The following SPAG16 variants were observed in gnomAD, a reference collection of about 807,000 sequenced individuals.
SPAG16 encodes sperm-associated antigen 16 protein.
A neutral mutation model predicts 80.4 loss-of-function variants in SPAG16; 86 were observed. The observed-to-expected ratio is 1.07, with a 90% confidence interval of 0.90 to 1.28. The LOEUF is 1.28. Among genes scored for constraint, SPAG16 ranks in the 50% most tolerant of loss-of-function variants. SPAG16 has a pLI of 0.00. For synonymous variants in SPAG16, 294 were observed against 265.9 expected, an observed-to-expected ratio of 1.11 and a Z score of -1.03; for missense variants, 870 against 765.3, an observed-to-expected ratio of 1.14 and a Z score of -1.61.
rs140637000 is a variant in SPAG16, at chr2:213,678,557, G to A, written c.1071-183928G>A. On this transcript the variant is annotated intron_variant, in intron 10 of 15. Coordinates refer to ENST00000331683, the MANE Select transcript of SPAG16 (RefSeq NM_024532.5). ...AATCTTGCTGCTCTTAACCACTATC[G>A]GTACACCTTCAGAATGGCCATGTTT... Among the ~76,000 whole-genome samples, 41 of 152,182 alleles carry A rather than the reference G, an allele frequency of 2.7e-4. No homozygotes were observed. In the East Asian group the frequency reaches 3.1e-3, roughly 11 times the overall value.
At chr2:214,072,407 A>G (rs2050830178) in intron 13 of SPAG16, among the ~76,000 whole-genome samples, 1 of 152,132 alleles carries the variant, frequency 6.6e-6, no homozygotes, top group South Asian at 2.1e-4. Context: ...TGTTCTTATT[A>G]AACATATAAC....
chr2:213,420,996 G>T (rs1303249187), intron 9 of SPAG16, among the ~76,000 whole-genome samples: 2 of 152,202 alleles, frequency 1.3e-5, no homozygotes, highest in African/African-American at 4.8e-5. Flanking sequence ...AGGGCTGCAG[G>T]AGAGTCACAG....
At chr2:214,328,699 G>C (rs983259084) in intron 15 of SPAG16, among the ~76,000 whole-genome samples, 3 of 152,112 alleles carry the variant, frequency 2.0e-5, no homozygotes, top group Non-Finnish European at 4.4e-5. Context: ...AGAAAAAAGT[G>C]TCTATTAATC....
In SPAG16 at chr2:214,177,900, C is replaced by CATAT. The variant is rs373584812; in HGVS notation, c.1720+28646_1720+28649dup. Among the ~76,000 whole-genome samples the CATAT allele has an allele frequency of 2.8e-3, 176 of 63,962 alleles. 1 individual carries two copies. The highest frequency in any genetic ancestry group is 0.017 in the East Asian group (41 of 2,418). 42.0% of individuals were successfully genotyped at this position (63,962 alleles called of 152,430 possible). ...GTTAAAAAAGCAGAATATATATATACATATATATATATATACATATATATA... is the reference window on the plus strand; with the variant it reads ...GTTAAAAAAGCAGAATATATATATACATATATATATATATATATACATATATATA... On this transcript the variant is annotated intron_variant, in intron 15 of 15. Coordinates refer to ENST00000331683, the MANE Select transcript of SPAG16 (RefSeq NM_024532.5).
intron 15 of SPAG16, among the ~76,000 whole-genome samples, chr2:214,381,353 AATG>A (rs1182257120): frequency 1.3e-5 from 2 of 152,234 alleles, no homozygotes; most frequent in Non-Finnish European, 2.9e-5. Flanking sequence ...ATGAAAGAGC[AATG>A]ATACCTTTCC....
At chr2:213,939,016 T>C (rs1406278816) in intron 12 of SPAG16, among the ~76,000 whole-genome samples, 1 of 152,078 alleles carries the variant, frequency 6.6e-6, no homozygotes, top group Non-Finnish European at 1.5e-5. Flanking sequence ...AAAAAGACCA[T>C]ACCATCTTCA....
At chr2:213,975,041 C>T (rs2045294025) in intron 12 of SPAG16, among the ~76,000 whole-genome samples, 1 of 149,762 alleles carries the variant, frequency 6.7e-6, no homozygotes, top group African/African-American at 2.4e-5. Flanking sequence ...TTGCTAAGTC[C>T]TCAATAGATT....
intron 10 of SPAG16, among the ~76,000 whole-genome samples, chr2:213,512,951 T>C (rs1014876366): frequency 6.6e-6 from 1 of 152,076 alleles, no homozygotes; most frequent in Admixed American, 6.6e-5. Context: ...CCATACATAT[T>C]AATTTTGTCA....
In SPAG16 at chr2:214,227,941, T is replaced by C. The variant is rs111241966; in HGVS notation, c.1720+78675T>C. On this transcript the variant is annotated intron_variant, in intron 15 of 15. Transcript: ENST00000331683. ...GATGAGATTCTGTACTGTGACTATTTGTAAATATAAAAGCAGCTCCCTGAG... is the reference window on the plus strand; with the variant it reads ...GATGAGATTCTGTACTGTGACTATTCGTAAATATAAAAGCAGCTCCCTGAG... Among the ~76,000 whole-genome samples the C allele has an allele frequency of 2.9e-4, 44 of 152,030 alleles. 2 individuals are homozygous for C. Among genetic ancestry groups the C allele is most frequent in the African/African-American group, 9.4e-4 (39 of 41,530 alleles).
At chr2:213,331,104 A>T (rs144383120) in intron 5 of SPAG16, among the ~76,000 whole-genome samples, 2 of 152,090 alleles carry the variant, frequency 1.3e-5, no homozygotes, top group East Asian at 1.9e-4. Context: ...AGGGGTAGAG[A>T]GTTTTTCTTT....
chr2:213,474,877 C>T (rs1179366025), intron 9 of SPAG16, among the ~76,000 whole-genome samples: 1 of 152,102 alleles, frequency 6.6e-6, no homozygotes, highest in Non-Finnish European at 1.5e-5. Context: ...ATGTTAATCT[C>T]CTTTGGCAAT....
chr2:213,287,281 A>G lies in SPAG16; in HGVS notation c.136+2662A>G, dbSNP rs1011312519. 1.2e-4 allele frequency among the ~76,000 whole-genome samples: 18 copies of G among 152,236 alleles called. 2 individuals carry two copies. The highest frequency in any genetic ancestry group is 2.5e-4 in the Non-Finnish European group (17 of 68,040). ...AAGGTTGATTGTCTTTTGTGAATGA[A>G]TGAATCCCTTATTAGAAATCAACAC... On this transcript the variant is annotated intron_variant, in intron 1 of 15. Transcript: ENST00000331683.
At chr2:214,342,605 A>T (rs944367569) in intron 15 of SPAG16, among the ~76,000 whole-genome samples, 1 of 152,114 alleles carries the variant, frequency 6.6e-6, no homozygotes. Context: ...CATTATGGTC[A>T]GTTGTATAAT....
At chr2:214,375,406 C>T (rs1700066284) in intron 15 of SPAG16, among the ~76,000 whole-genome samples, 1 of 152,028 alleles carries the variant, frequency 6.6e-6, no homozygotes, top group Admixed American at 6.6e-5. Context: ...TTTTTCGTTA[C>T]CTTGGCCTTC....
rs79598006 is a variant in SPAG16, at chr2:213,340,044, C to A, written c.537-119C>A. ...TGAGAATCTTCGATGAGAATTATAG[C>A]AAAATATTTGTTTTCCTATTATCTT... On this transcript the variant is annotated intron_variant, in intron 5 of 15. Coordinates refer to ENST00000331683, the MANE Select transcript of SPAG16 (RefSeq NM_024532.5). 1,275 of 653,648 alleles carry A rather than the reference C, an allele frequency of 2.0e-3. 28 individuals carry two copies. The East Asian group carries it at 0.023, about 12-fold the overall frequency. 40.5% of individuals were successfully genotyped at this position (653,648 alleles called of 1,614,324 possible). A position where few individuals can be genotyped will look rare whatever the true frequency, so the allele number is the denominator to read the frequency against.
At chr2:214,296,379 A>G (rs1332612733) in intron 15 of SPAG16, among the ~76,000 whole-genome samples, 1 of 152,180 alleles carries the variant, frequency 6.6e-6, no homozygotes, top group Admixed American at 6.5e-5. Flanking sequence ...CTTTGGATAT[A>G]ATAACTTCTT....
intron 15 of SPAG16, among the ~76,000 whole-genome samples, chr2:214,380,627 C>A (rs559152026): frequency 4.6e-5 from 7 of 152,236 alleles, no homozygotes; most frequent in Admixed American, 4.6e-4. Context: ...AATTAATTAA[C>A]ACATAAAGAA....
At chr2:214,266,238 T>C (rs1276740657) in intron 15 of SPAG16, among the ~76,000 whole-genome samples, 1 of 151,926 alleles carries the variant, frequency 6.6e-6, no homozygotes, top group Admixed American at 6.6e-5. Context: ...AAAGTATTAC[T>C]ATTTTGTTTG....
At chr2:214,141,409 A>G (rs930257969) in intron 14 of SPAG16, among the ~76,000 whole-genome samples, 41 of 151,684 alleles carry the variant, frequency 2.7e-4, no homozygotes, top group African/African-American at 9.2e-4. Flanking sequence ...AGAGGTTGCA[A>G]TGAGCCCAGA....
Sources: gnomAD v4.1 joint callset for allele counts (sites outside exome capture counted in the v4.1 genomes callset) on GRCh38, gnomAD v4.1.1 for gene constraint, MANE v1.5 for transcripts, NCBI Gene and HGNC (gene_info 2026-07-23, HGNC 2026-07-21) for gene names.